Variants in DAPK1 observed in about 807,000 individuals in gnomAD.
The protein encoded by DAPK1 is death-associated protein kinase 1.
Under a neutral mutation model 144.9 loss-of-function variants are expected in DAPK1, and 56 were observed. The ratio of observed to expected loss-of-function variants is 0.39; its 90% CI spans 0.31 to 0.48. The LOEUF is 0.48. Ranked by LOEUF, DAPK1 falls within the 20% of genes least tolerant of loss-of-function variation. The pLI is 0.95. For synonymous variants in DAPK1, 690 were observed against 749.0 expected (o/e 0.92, Z 1.29); for missense variants, 1,454 against 1,875.4 (o/e 0.78, Z 4.15).
chr9:87,514,429 A>G (rs1587675305), intron 2 of DAPK1, among the ~76,000 whole-genome samples: 1 of 152,330 alleles, frequency 6.6e-6, no homozygotes, highest in East Asian at 1.9e-4. Context: ...TGTGGGTGTC[A>G]GAGCCCTGTT....
At chr9:87,691,947 C>T (rs893759560) in intron 21 of DAPK1, among the ~76,000 whole-genome samples, 1 of 152,034 alleles carries the variant, frequency 6.6e-6, no homozygotes, top group African/African-American at 2.4e-5. Flanking sequence ...TGAGAAAATG[C>T]GTATTCTGTA....
chr9:87,695,898 T>C (rs1230074596), intron 21 of DAPK1, among the ~76,000 whole-genome samples: 2 of 152,222 alleles, frequency 1.3e-5, no homozygotes, highest in East Asian at 1.9e-4. Flanking sequence ...TAATCCTCTA[T>C]GGGACTTTGT....
intron 3 of DAPK1, among the ~76,000 whole-genome samples, chr9:87,605,442 G>C (rs1828682278): frequency 6.6e-6 from 1 of 152,106 alleles, no homozygotes; most frequent in South Asian, 2.1e-4. Context: ...CACTTTCTGG[G>C]GTTCATCTTT....
At chr9:87,558,093 G>C (rs1004743279) in intron 2 of DAPK1, among the ~76,000 whole-genome samples, 20 of 152,194 alleles carry the variant, frequency 1.3e-4, no homozygotes, top group African/African-American at 4.6e-4. Flanking sequence ...AGCATTGTGA[G>C]GTCCTGCCCA....
intron 2 of DAPK1, among the ~76,000 whole-genome samples, chr9:87,532,336 C>T (rs917910417): frequency 6.6e-6 from 1 of 152,172 alleles, no homozygotes; most frequent in African/African-American, 2.4e-5. Flanking sequence ...TAAAGTTTTA[C>T]TGGAACACAC....
chr9:87,518,210 C>T (rs1825151947), intron 2 of DAPK1, among the ~76,000 whole-genome samples: 1 of 147,772 alleles, frequency 6.8e-6, no homozygotes, highest in African/African-American at 2.5e-5. Flanking sequence ...CTCCCGGGTT[C>T]AAGCGATTTT....
At chr9:87,583,342 A>C (rs762379094) in intron 2 of DAPK1, among the ~76,000 whole-genome samples, 1 of 151,942 alleles carries the variant, frequency 6.6e-6, no homozygotes, top group Non-Finnish European at 1.5e-5. Context: ...GCAGGTAGAG[A>C]CTCCAGTTGT....
chr9:87,666,597 CTGAG>C (rs1449459474), intron 18 of DAPK1, among the ~76,000 whole-genome samples: 1 of 151,864 alleles, frequency 6.6e-6, no homozygotes, highest in Non-Finnish European at 1.5e-5. Flanking sequence ...TCTCAGCCTC[CTGAG>C]TATCTGGAAT....
At chr9:87,631,553 C>T (rs1829692727) in intron 3 of DAPK1, among the ~76,000 whole-genome samples, 1 of 152,226 alleles carries the variant, frequency 6.6e-6, no homozygotes, top group Admixed American at 6.5e-5. Flanking sequence ...TAATTTAAAA[C>T]ACTGACTCAA....
chr9:87,677,657 C>G (rs533179359), intron 19 of DAPK1, among the ~76,000 whole-genome samples: 3 of 152,334 alleles, frequency 2.0e-5, no homozygotes, highest in East Asian at 1.9e-4. Flanking sequence ...CCAAGAATCT[C>G]TGTGTGGCAG....
At chr9:87,514,173 G>A (rs992821067) in intron 2 of DAPK1, among the ~76,000 whole-genome samples, 1 of 151,954 alleles carries the variant, frequency 6.6e-6, no homozygotes, top group South Asian at 2.1e-4. Flanking sequence ...GGAAGGAGGA[G>A]CCTGCACCTA....
At chr9:87,628,015 C>T (rs1371913616) in intron 3 of DAPK1, among the ~76,000 whole-genome samples, 3 of 152,120 alleles carry the variant, frequency 2.0e-5, no homozygotes, top group Non-Finnish European at 4.4e-5. Context: ...ACACAGAGCC[C>T]GATGCAAACC....
At chr9:87,676,039 C>T (rs1041561417) in intron 19 of DAPK1, among the ~76,000 whole-genome samples, 1 of 152,118 alleles carries the variant, frequency 6.6e-6, no homozygotes, top group African/African-American at 2.4e-5. Flanking sequence ...TCCTGAGTAC[C>T]CTCCAGCCAC....
intron 2 of DAPK1, among the ~76,000 whole-genome samples, chr9:87,583,559 T>C (rs1433387895): frequency 6.6e-6 from 1 of 152,218 alleles, no homozygotes; most frequent in African/African-American, 2.4e-5. Flanking sequence ...ATGTCATGCA[T>C]AGAGAAAGAG....
rs1009365681 is a variant in DAPK1, at chr9:87,508,527, A to G, written c.62+9388A>G. Among the ~76,000 whole-genome samples the G allele has an allele frequency of 4.7e-4, 72 of 151,962 alleles. 1 individual carries two copies. The highest frequency in any genetic ancestry group is 1.7e-3 in the African/African-American group (71 of 41,378). On this transcript the variant is annotated intron_variant, in intron 2 of 25. Coordinates refer to ENST00000408954, the MANE Select transcript of DAPK1 (RefSeq NM_004938.4). ...CTGGCTAATTTTTGGTATTTTTAGT[A>G]GAGTCAGGGTTTCACCGTGTTAGCC...
intron 3 of DAPK1, among the ~76,000 whole-genome samples, chr9:87,619,320 T>C (rs542116854): frequency 1.4e-4 from 22 of 152,342 alleles, no homozygotes; most frequent in African/African-American, 5.3e-4. Flanking sequence ...CCTGAGGATG[T>C]GCCAGTATTT....
chr9:87,510,288 G>A (rs902117808), intron 2 of DAPK1, among the ~76,000 whole-genome samples: 1 of 152,220 alleles, frequency 6.6e-6, no homozygotes, highest in Non-Finnish European at 1.5e-5. Flanking sequence ...CATTGAATGA[G>A]TAGATCCTGT....
rs773027861 is a variant in DAPK1 at position 87,706,651 on chromosome 9, A to T, written c.3580A>T (p.Ile1194Phe). Reference protein sequence around the residue: ...LVLLVNHGQGIEVQVRGLETE... With the variant: ...LVLLVNHGQGFEVQVRGLETE... ...GCTGCTGGTCAACCACGGCCAGGGC[A>T]TTGAGGTCCAGGTCCGCGGCCTGGA... is the stretch of plus-strand genomic sequence containing the variant. Residue 1194 changes from isoleucine (I) to phenylalanine (F), a missense_variant, in exon 26 of 26, where the codon ATT becomes TTT. Physicochemically the swap from Ile to Phe is conservative, Grantham distance 21 (BLOSUM62 0). Transcript: ENST00000408954. The surrounding 1 kb of genome is among the most constrained non-coding windows in gnomAD (Gnocchi z 9.0). 2 of 1,612,550 alleles carry T rather than the reference A, an allele frequency of 1.2e-6. No homozygotes were observed. Among genetic ancestry groups the T allele is most frequent in the South Asian group, 2.2e-5 (2 of 91,036 alleles).
At chr9:87,616,148 C>T (rs1040749111) in intron 3 of DAPK1, among the ~76,000 whole-genome samples, 1 of 152,220 alleles carries the variant, frequency 6.6e-6, no homozygotes, top group Admixed American at 6.5e-5. Flanking sequence ...TGTTCTTGCC[C>T]CTCATTTCTT....
Sources: allele counts gnomAD v4.1 joint callset (sites outside exome capture counted in the v4.1 genomes callset), GRCh38; gene constraint gnomAD v4.1.1; non-coding constraint Gnocchi (gnomAD v3.1); transcripts MANE v1.5; gene names NCBI Gene and HGNC (gene_info 2026-07-23, HGNC 2026-07-21).